The following GATAD2B variants were observed in gnomAD, a reference collection of about 807,000 sequenced individuals.
The protein encoded by GATAD2B is transcriptional repressor p66-beta.
In GATAD2B, 8 loss-of-function variants were observed where a neutral mutation model predicts 64.3. That is an observed-to-expected ratio of 0.12 (90% CI 0.07 to 0.22). The LOEUF (loss-of-function observed/expected upper bound fraction) is 0.22, where lower values mean the gene tolerates loss of function less well. GATAD2B is among the 10% of genes least tolerant of loss of function. GATAD2B has a pLI of 1.00. For synonymous variants in GATAD2B, 281 were observed against 271.3 expected, an observed-to-expected ratio of 1.04 and a Z score of -0.35; for missense variants, 453 against 752.0, an observed-to-expected ratio of 0.60 and a Z score of 4.65.
At chr1:153,887,187 T>C in intron 1 of GATAD2B, among the ~76,000 whole-genome samples, 1 of 152,180 alleles carries the variant, frequency 6.6e-6, no homozygotes, top group East Asian at 1.9e-4. Flanking sequence ...CATCAGTTCT[T>C]TGGAGATGAG....
intron 8 of GATAD2B, 131 bp from the exon 9 acceptor site, chr1:153,812,263 C>T (rs1674319332): frequency 3.3e-6 from 2 of 603,470 alleles, no homozygotes. Context: ...CTCCTGGGCT[C>T]AAGCAATCCT....
intron 1 of GATAD2B, among the ~76,000 whole-genome samples, chr1:153,855,112 T>G (rs1676036384): frequency 6.6e-6 from 1 of 152,210 alleles, no homozygotes; most frequent in Non-Finnish European, 1.5e-5. Context: ...GGACTAAGTA[T>G]TAAATAATAT....
chr1:153,861,477 C>T (rs1384786186), intron 1 of GATAD2B, among the ~76,000 whole-genome samples: 2 of 151,206 alleles, frequency 1.3e-5, no homozygotes, highest in Non-Finnish European at 2.9e-5. Flanking sequence ...TTCAAAGAAA[C>T]ATCATTAAGT....
intron 1 of GATAD2B, among the ~76,000 whole-genome samples, chr1:153,834,828 A>G (rs1326372252): frequency 6.6e-6 from 1 of 152,100 alleles, no homozygotes; most frequent in Non-Finnish European, 1.5e-5. Flanking sequence ...ATTAGAAGGG[A>G]GCCTGGGCAA....
chr1:153,901,472 C>A (rs1229618832), intron 1 of GATAD2B, among the ~76,000 whole-genome samples: 1 of 152,150 alleles, frequency 6.6e-6, no homozygotes, highest in South Asian at 2.1e-4. Context: ...TGAGACTTCA[C>A]TGGACAACAC....
chr1:153,810,331 TGGAGGGCA>T (rs1674250462), intron 10 of GATAD2B, 21 bp from the exon 11 acceptor site: 1 of 1,610,354 alleles, frequency 6.2e-7, no homozygotes, highest in East Asian at 2.2e-5. Flanking sequence ...GAGACAAAAG[TGGAGGGCA>T]GGTATTAAAA....
chr1:153,876,344 G>T (rs1676834735), intron 1 of GATAD2B, among the ~76,000 whole-genome samples: 2 of 149,306 alleles, frequency 1.3e-5, no homozygotes, highest in Admixed American at 6.8e-5. Context: ...ATCGTACTAT[G>T]CTATCTATAT....
chr1:153,808,202 A>C lies in GATAD2B; in HGVS notation c.*1975T>G, dbSNP rs962956070. 1 of 152,612 alleles carries C rather than the reference A, an allele frequency of 6.6e-6. No homozygotes were observed. Among genetic ancestry groups the C allele is most frequent in the Non-Finnish European group, 1.5e-5 (1 of 68,024 alleles). 9.5% of individuals were successfully genotyped at this position (152,612 alleles called of 1,614,324 possible). ...CAATCACTACCTGTTACTAGCATCT[A>C]GCTTCCAGATCATTTCACCACTGGG... is the stretch of plus-strand genomic sequence containing the variant. On this transcript the variant is annotated 3_prime_UTR_variant, in exon 11 of 11. Coordinates refer to ENST00000368655, the MANE Select transcript of GATAD2B (RefSeq NM_020699.4).
rs771609182 is a variant in GATAD2B, at chr1:153,828,031, T to C, written c.317A>G (p.Asp106Gly). ...GKENINDEPV[D>G]MSARRSEPER... is the part of the protein sequence containing the mutation. ...GCCATACCTCCGTCTAGCACTCATA[T>C]CCACAGGCTCATCATTGATGTTTTC... Residue 106 changes from aspartate (D) to glycine (G), a missense_variant, in exon 2 of 11, where the codon GAT (aspartate) becomes GGT (glycine). Coordinates refer to ENST00000368655, the MANE Select transcript of GATAD2B (RefSeq NM_020699.4). 6.2e-7 allele frequency: 1 copy of C among 1,614,028 alleles called. No individual in the cohort carries two copies.
At chr1:153,889,702 CTG>C (rs1389405827) in intron 1 of GATAD2B, 8 of 763,484 alleles carry the variant, frequency 1.0e-5, no homozygotes, top group African/African-American at 7.5e-5. Context: ...CATATGTTCT[CTG>C]TATTTTCAAC....
intron 1 of GATAD2B, among the ~76,000 whole-genome samples, chr1:153,875,756 T>C (rs1055190776): frequency 2.8e-5 from 4 of 143,800 alleles, no homozygotes; most frequent in African/African-American, 1.0e-4. Context: ...GAAAATAGTA[T>C]AAACAAACCC....
chr1:153,910,885 T>C (rs1033620207), intron 1 of GATAD2B, among the ~76,000 whole-genome samples: 1 of 152,248 alleles, frequency 6.6e-6, no homozygotes, highest in African/African-American at 2.4e-5. Context: ...TTAGCTGTAT[T>C]AAATGCATTT....
At position 153,808,798 on chromosome 1, in the gene GATAD2B, TTA is replaced by T. The variant is rs1674186664; in HGVS notation, c.*1377_*1378del. On this transcript the variant is annotated 3_prime_UTR_variant, in exon 11 of 11. Transcript: ENST00000368655. ...AATTCATTCTCTACATTAGTAGCGCTTAAAAAAAAAAAAAAAAAAAAGGCAAA... is the reference window on the plus strand; with the variant it reads ...AATTCATTCTCTACATTAGTAGCGCTAAAAAAAAAAAAAAAAAAAGGCAAA... 8.5e-6 allele frequency: 1 copy of T among 117,198 alleles called. No individual in the cohort carries two copies. The highest frequency in any genetic ancestry group is 8.7e-5 in the Admixed American group (1 of 11,436). 7.3% of individuals were successfully genotyped at this position (117,198 alleles called of 1,614,324 possible).
Position 153,816,268 on chromosome 1 carries a change from C to T in GATAD2B, c.1216+5G>A, listed in dbSNP as rs759392690. 6.3e-7 allele frequency: 1 copy of T among 1,599,766 alleles called. No individual in the cohort carries two copies. The highest frequency in any genetic ancestry group is 1.7e-5 in the Admixed American group (1 of 59,886). On this transcript the variant is annotated splice_donor_5th_base_variant and intron_variant, in intron 7 of 10. Transcript: ENST00000368655. The surrounding 1 kb of genome is among the most constrained non-coding windows in gnomAD (Gnocchi z 4.9). ...AAATAGATTGATTAGAAGAAACAGC[C>T]TTACCTTGGCTGTCAATGACACTCT...
chr1:153,892,624 A>C (rs1677451761), intron 1 of GATAD2B, among the ~76,000 whole-genome samples: 2 of 151,692 alleles, frequency 1.3e-5, no homozygotes, highest in South Asian at 4.1e-4. Flanking sequence ...GTCCAACAAT[A>C]TTATAAAATA....
chr1:153,815,788 C>A (rs1170335599), intron 7 of GATAD2B, among the ~76,000 whole-genome samples: 1 of 152,178 alleles, frequency 6.6e-6, no homozygotes, highest in Non-Finnish European at 1.5e-5. Context: ...TACAGTGGCT[C>A]ATGCCTGTAA....
intron 7 of GATAD2B, among the ~76,000 whole-genome samples, chr1:153,815,280 C>CAAAACAAAAAAAAAAAAAA (rs1674428829): frequency 1.5e-5 from 1 of 66,624 alleles, no homozygotes; most frequent in Non-Finnish European, 2.7e-5. Flanking sequence ...CTCAAAAAAA[C>CAAAACAAAAAAAAAAAAAA]AAAAAAAAAA....
intron 1 of GATAD2B, among the ~76,000 whole-genome samples, chr1:153,905,903 C>A (rs147615861): frequency 0.02 from 3,031 of 151,482 alleles, 107 homozygotes; most frequent in African/African-American, 0.07. Flanking sequence ...CCTACCTCTA[C>A]TAAAAATACA....
At chr1:153,856,493 C>T (rs1250587015) in intron 1 of GATAD2B, among the ~76,000 whole-genome samples, 1 of 152,024 alleles carries the variant, frequency 6.6e-6, no homozygotes, top group African/African-American at 2.4e-5. Context: ...AGCTGTTGCT[C>T]GTACTACTCT....
Sources: gnomAD v4.1 joint callset for allele counts (sites outside exome capture counted in the v4.1 genomes callset) on GRCh38, gnomAD v4.1.1 for gene constraint, Gnocchi (gnomAD v3.1) non-coding constraint, MANE v1.5 for transcripts, NCBI Gene and HGNC (gene_info 2026-07-23, HGNC 2026-07-21) for gene names.